Variants in IMMP2L observed in about 807,000 individuals in gnomAD.
IMMP2L encodes inner mitochondrial membrane peptidase subunit 2.
IMMP2L carries 18 observed loss-of-function variants against 19.3 expected under a neutral mutation model. That is an observed-to-expected ratio of 0.93 (90% CI 0.64 to 1.38). The LOEUF (loss-of-function observed/expected upper bound fraction) is 1.38, where lower values mean the gene tolerates loss of function less well. Ranked by LOEUF, IMMP2L falls within the 40% of genes most tolerant of loss-of-function variation. The pLI is 0.00. For synonymous variants in IMMP2L, 76 were observed against 73.0 expected (o/e 1.04, Z -0.21); for missense variants, 233 against 218.2 (o/e 1.07, Z -0.43).
At chr7:111,352,090 C>A (rs75401754) in intron 3 of IMMP2L, among the ~76,000 whole-genome samples, 8,056 of 152,098 alleles carry the variant, frequency 0.053, 270 homozygotes, top group South Asian at 0.081. Flanking sequence ...TACATAAAAC[C>A]AAGACATATG....
At chr7:111,383,445 T>A (rs1831398210) in intron 3 of IMMP2L, among the ~76,000 whole-genome samples, 1 of 152,074 alleles carries the variant, frequency 6.6e-6, no homozygotes, top group Non-Finnish European at 1.5e-5. Context: ...CTACTCTGCT[T>A]CAGTGTCTCC....
chr7:110,961,918 G>T (rs1818989781), intron 4 of IMMP2L, among the ~76,000 whole-genome samples: 1 of 151,872 alleles, frequency 6.6e-6, no homozygotes, highest in South Asian at 2.1e-4. Context: ...AGTTAAAGTA[G>T]GAGTTTAATG....
At chr7:110,726,593 G>GA (rs1461589919) in intron 5 of IMMP2L, among the ~76,000 whole-genome samples, 18 of 152,184 alleles carry the variant, frequency 1.2e-4, no homozygotes, top group African/African-American at 3.9e-4. Flanking sequence ...AACTTATTTG[G>GA]AAAAAGTTAT....
At chr7:111,286,704 C>A (rs1242068218) in intron 3 of IMMP2L, among the ~76,000 whole-genome samples, 1 of 151,990 alleles carries the variant, frequency 6.6e-6, no homozygotes, top group Admixed American at 6.6e-5. Context: ...AGATTAACAA[C>A]CAGGTTTGCA....
intron 3 of IMMP2L, among the ~76,000 whole-genome samples, chr7:111,089,265 G>GT (rs1397283795): frequency 6.6e-6 from 1 of 152,032 alleles, no homozygotes; most frequent in Admixed American, 6.5e-5. Flanking sequence ...CAAGAGAGGA[G>GT]TTTAATCATG....
intron 3 of IMMP2L, among the ~76,000 whole-genome samples, chr7:111,330,837 G>A (rs149613055): frequency 6.6e-6 from 1 of 151,780 alleles, no homozygotes; most frequent in East Asian, 1.9e-4. Context: ...GTTCAACATC[G>A]CTAATCATTA....
At chr7:111,157,014 C>T (rs1263754725) in intron 3 of IMMP2L, among the ~76,000 whole-genome samples, 1 of 152,034 alleles carries the variant, frequency 6.6e-6, no homozygotes, top group Non-Finnish European at 1.5e-5. Flanking sequence ...CAAATCAAAA[C>T]CACAATGAGA....
At chr7:111,438,506 C>G (rs9656185) in intron 3 of IMMP2L, among the ~76,000 whole-genome samples, 12,538 of 151,802 alleles carry the variant, frequency 0.083, 727 homozygotes, top group African/African-American at 0.12. Flanking sequence ...CAAAAATTCA[C>G]TTTTAATCAA....
At chr7:111,273,612 G>A (rs1003776087) in intron 3 of IMMP2L, among the ~76,000 whole-genome samples, 6 of 152,106 alleles carry the variant, frequency 3.9e-5, no homozygotes, top group Non-Finnish European at 8.8e-5. Flanking sequence ...AATATTGTGA[G>A]ATTCAGAGAT....
intron 3 of IMMP2L, among the ~76,000 whole-genome samples, chr7:111,352,798 G>A (rs1351859960): frequency 6.6e-6 from 1 of 152,090 alleles, no homozygotes; most frequent in Non-Finnish European, 1.5e-5. Flanking sequence ...CACAGCATTT[G>A]TGTGATCGGG....
chr7:111,486,708 T>C (rs1382908037), intron 3 of IMMP2L, among the ~76,000 whole-genome samples: 1 of 152,140 alleles, frequency 6.6e-6, no homozygotes, highest in African/African-American at 2.4e-5. Context: ...TGGAATGAAA[T>C]TTTTGATCCT....
chr7:110,811,783 G>C (rs1802057732), intron 5 of IMMP2L, among the ~76,000 whole-genome samples: 1 of 151,928 alleles, frequency 6.6e-6, no homozygotes. Flanking sequence ...ACAGCATCCT[G>C]GTTTTTCTTC....
intron 3 of IMMP2L, among the ~76,000 whole-genome samples, chr7:111,388,929 C>T (rs995912814): frequency 1.4e-4 from 21 of 151,938 alleles, no homozygotes; most frequent in Non-Finnish European, 2.9e-4. Context: ...ATATAATGTG[C>T]AAATCTGTAT....
rs1791176981 is a variant in IMMP2L, at chr7:110,662,701, T to C, written c.*901A>G. 1.3e-5 allele frequency among the ~76,000 whole-genome samples: 2 copies of C among 152,236 alleles called. No individual in the cohort carries two copies. The highest frequency in any genetic ancestry group is 1.3e-4 in the Admixed American group (2 of 15,292). On this transcript the variant is annotated 3_prime_UTR_variant, in exon 6 of 6. Transcript: ENST00000405709. ...CAAATTACAGACTCTATGATTCTAC[T>C]GTAACTTTGCAATTGGTGATTTCAG...
chr7:110,667,472 C>T (rs1043765215), intron 5 of IMMP2L, among the ~76,000 whole-genome samples: 31 of 152,076 alleles, frequency 2.0e-4, no homozygotes, highest in Admixed American at 2.0e-3. Context: ...AACCAGTTGA[C>T]CTTAAGATAA....
intron 3 of IMMP2L, among the ~76,000 whole-genome samples, chr7:111,312,165 G>GAGGGAAT (rs1229507676): frequency 1.3e-5 from 2 of 152,112 alleles, no homozygotes; most frequent in African/African-American, 2.4e-5. Context: ...TCTTCAAGAA[G>GAGGGAAT]AGGGAATTTA....
intron 2 of IMMP2L, among the ~76,000 whole-genome samples, chr7:111,495,429 C>G (rs771775806): frequency 3.0e-4 from 45 of 152,148 alleles, no homozygotes; most frequent in Non-Finnish European, 7.4e-5. Flanking sequence ...CAATATCTAT[C>G]AAATCTGCTT....
chr7:111,000,992 C>T (rs544692702), intron 3 of IMMP2L, among the ~76,000 whole-genome samples: 1 of 152,246 alleles, frequency 6.6e-6, no homozygotes, highest in East Asian at 1.9e-4. Context: ...GCAGCAAGAG[C>T]ACTGAACCAA....
chr7:110,893,497 A>C (rs147757143), intron 4 of IMMP2L, among the ~76,000 whole-genome samples: 4 of 152,334 alleles, frequency 2.6e-5, no homozygotes, highest in African/African-American at 7.2e-5. Context: ...GTATACTACT[A>C]TATGAATGTA....
Sources: allele counts gnomAD v4.1 joint callset (sites outside exome capture counted in the v4.1 genomes callset), GRCh38; gene constraint gnomAD v4.1.1; transcripts MANE v1.5; gene names NCBI Gene and HGNC (gene_info 2026-07-23, HGNC 2026-07-21).